CNTNAP2: variants seen among roughly 807,000 people sequenced by gnomAD.
CNTNAP2 encodes contactin-associated protein-like 2.
In CNTNAP2, 98 loss-of-function variants were observed where a neutral mutation model predicts 155.2. The ratio of observed to expected loss-of-function variants is 0.63; its 90% CI spans 0.54 to 0.75. The LOEUF (loss-of-function observed/expected upper bound fraction) is 0.75. CNTNAP2 is among the 30% of genes least tolerant of loss of function. The pLI is 0.00. For synonymous variants in CNTNAP2, 651 were observed against 631.2 expected (o/e 1.03, Z -0.47); for missense variants, 1,727 against 1,688.1 (o/e 1.02, Z -0.40).
chr7:147,599,480 T>A (rs1367105582), intron 12 of CNTNAP2, among the ~76,000 whole-genome samples: 1 of 28,322 alleles, frequency 3.5e-5, no homozygotes, highest in Non-Finnish European at 6.5e-5. Context: ...AAACTCTGTC[T>A]CAAAAAAAAA....
intron 13 of CNTNAP2, among the ~76,000 whole-genome samples, chr7:147,688,816 T>C (rs1260183087): frequency 1.3e-5 from 2 of 152,164 alleles, no homozygotes; most frequent in East Asian, 3.9e-4. Context: ...ATAACTGTTA[T>C]GAATACCTGC....
chr7:147,153,814 C>A (rs73471075), intron 8 of CNTNAP2, among the ~76,000 whole-genome samples: 1 of 152,092 alleles, frequency 6.6e-6, no homozygotes, highest in Non-Finnish European at 1.5e-5. Context: ...CATTCTGACT[C>A]TGTGCTAAAA....
intron 1 of CNTNAP2, among the ~76,000 whole-genome samples, chr7:146,666,205 T>A (rs1301806690): frequency 1.3e-5 from 2 of 152,072 alleles, no homozygotes; most frequent in Admixed American, 6.6e-5. Context: ...TTTTATGAGG[T>A]CGGCTATTTT....
rs150323856 is a variant in CNTNAP2, at chr7:148,125,256, C to T, written c.2554+6968C>T. Among the ~76,000 whole-genome samples, 992 of 152,102 alleles carry T rather than the reference C, an allele frequency of 6.5e-3. 24 individuals carry two copies. Among genetic ancestry groups the T allele is most frequent in the African/African-American group, 0.022 (933 of 41,470 alleles). On this transcript the variant is annotated intron_variant, in intron 16 of 23. Transcript: ENST00000361727. ...TCTTTCTCTCTTTCTCTCTCTCTCC[C>T]TCTCTCTCTGTCTCTCTTTTAGGTT... is the stretch of plus-strand genomic sequence containing the variant.
At chr7:147,187,566 A>C (rs1372632507) in intron 8 of CNTNAP2, among the ~76,000 whole-genome samples, 1 of 152,110 alleles carries the variant, frequency 6.6e-6, no homozygotes, top group Non-Finnish European at 1.5e-5. Flanking sequence ...AACATTGGGG[A>C]CATAAATATG....
At chr7:147,033,156 ATATG>A (rs1192152077) in intron 3 of CNTNAP2, among the ~76,000 whole-genome samples, 33 of 73,474 alleles carry the variant, frequency 4.5e-4, no homozygotes, top group African/African-American at 1.7e-3. Flanking sequence ...GCATATATAT[ATATG>A]TATATATATA....
At chr7:147,772,446 CTATATATATATA>C (rs58027241) in intron 13 of CNTNAP2, among the ~76,000 whole-genome samples, 15,191 of 63,716 alleles carry the variant, frequency 0.24, 1,626 homozygotes, top group Middle Eastern at 0.33. Context: ...CTCTCTCTCG[CTATATATATATA>C]TATATATATA....
chr7:146,680,640 T>C (rs960416235), intron 1 of CNTNAP2, among the ~76,000 whole-genome samples: 1 of 152,220 alleles, frequency 6.6e-6, no homozygotes, highest in African/African-American at 2.4e-5. Context: ...TCATAGCGTA[T>C]GTGTGACTTG....
At chr7:148,167,672 A>ATC (rs1805695257) in intron 17 of CNTNAP2, among the ~76,000 whole-genome samples, 1 of 152,218 alleles carries the variant, frequency 6.6e-6, no homozygotes, top group African/African-American at 2.4e-5. Flanking sequence ...GACACCATCT[A>ATC]GTTCAGCCTC....
intron 9 of CNTNAP2, among the ~76,000 whole-genome samples, chr7:147,352,598 A>G (rs1016414071): frequency 6.6e-6 from 1 of 152,034 alleles, no homozygotes; most frequent in Non-Finnish European, 1.5e-5. Flanking sequence ...AATTGGTGCT[A>G]TACTTTATGG....
chr7:147,323,038 A>G (rs1193916213), intron 9 of CNTNAP2, among the ~76,000 whole-genome samples: 1 of 31,304 alleles, frequency 3.2e-5, no homozygotes, highest in Non-Finnish European at 5.1e-5. Context: ...TCCTGGATTC[A>G]TTGATTTTTT....
intron 14 of CNTNAP2, among the ~76,000 whole-genome samples, chr7:147,904,391 A>T (rs1321755873): frequency 5.3e-5 from 8 of 152,206 alleles, no homozygotes; most frequent in Non-Finnish European, 8.8e-5. Flanking sequence ...ATCAGCTGCC[A>T]TTCTTTGTGA....
intron 2 of CNTNAP2, among the ~76,000 whole-genome samples, chr7:146,831,050 T>G (rs1309587164): frequency 6.6e-6 from 1 of 152,210 alleles, no homozygotes; most frequent in East Asian, 1.9e-4. Flanking sequence ...GATACATCTA[T>G]GGAATTTATG....
chr7:148,355,473 C>T (rs1474341802), intron 21 of CNTNAP2, among the ~76,000 whole-genome samples: 1 of 152,124 alleles, frequency 6.6e-6, no homozygotes, highest in African/African-American at 2.4e-5. Flanking sequence ...GCTCCAAACA[C>T]TTAATGTCTG....
intron 15 of CNTNAP2, among the ~76,000 whole-genome samples, chr7:148,083,990 A>G (rs1803669552): frequency 6.6e-6 from 1 of 152,218 alleles, no homozygotes; most frequent in Non-Finnish European, 1.5e-5. Flanking sequence ...AGGTGACCAT[A>G]GATGTAGTAT....
intron 1 of CNTNAP2, among the ~76,000 whole-genome samples, chr7:146,390,631 A>G (rs1795527398): frequency 6.7e-6 from 1 of 149,764 alleles, no homozygotes; most frequent in Admixed American, 6.7e-5. Context: ...TTCATGAAAT[A>G]AAAATATATA....
chr7:148,083,835 C>T lies in CNTNAP2; in HGVS notation c.2384-34283C>T, dbSNP rs575878831. 2.0e-5 allele frequency among the ~76,000 whole-genome samples: 3 copies of T among 152,314 alleles called. No individual in the cohort carries two copies. The South Asian group carries it at 6.2e-4, about 32-fold the overall frequency. ...ACTGTGTACTCAGCAAATCCTTTAT[C>T]TGTCACTTGTGTTAATTTCTAGAAA... On this transcript the variant is annotated intron_variant, in intron 15 of 23. Coordinates refer to ENST00000361727, the MANE Select transcript of CNTNAP2 (RefSeq NM_014141.6).
At chr7:147,290,743 C>T (rs1223678130) in intron 8 of CNTNAP2, among the ~76,000 whole-genome samples, 1 of 145,760 alleles carries the variant, frequency 6.9e-6, no homozygotes, top group Admixed American at 6.8e-5. Flanking sequence ...ACTGGATATA[C>T]AGTGAAAAGA....
At chr7:147,541,749 T>G (rs1489699028) in intron 11 of CNTNAP2, among the ~76,000 whole-genome samples, 1 of 152,202 alleles carries the variant, frequency 6.6e-6, no homozygotes, top group Non-Finnish European at 1.5e-5. Context: ...TTTTTAACCT[T>G]CTCATATTAT....
Sources: gnomAD v4.1 joint callset for allele counts (sites outside exome capture counted in the v4.1 genomes callset) on GRCh38, gnomAD v4.1.1 for gene constraint, MANE v1.5 for transcripts, NCBI Gene and HGNC (gene_info 2026-07-23, HGNC 2026-07-21) for gene names.